Variants in KHDRBS1 observed in about 807,000 individuals in gnomAD.
The protein encoded by KHDRBS1 is KH RNA binding domain containing, signal transduction associated 1.
A neutral mutation model predicts 48.4 loss-of-function variants in KHDRBS1; 7 were observed. The ratio of observed to expected loss-of-function variants is 0.14; its 90% CI spans 0.08 to 0.27. The LOEUF (loss-of-function observed/expected upper bound fraction) is 0.27. KHDRBS1 is among the 10% of genes least tolerant of loss of function. The pLI is 1.00. For missense variants in KHDRBS1, 458 were observed against 601.2 expected (o/e 0.76, Z 2.49); for synonymous variants, 241 against 235.8 (o/e 1.02, Z -0.20).
chr1:32,056,738 T>C (rs1029532648), intron 10 of KHDRBS1, among the ~76,000 whole-genome samples: 1 of 152,344 alleles, frequency 6.6e-6, no homozygotes, highest in East Asian at 1.9e-4. Flanking sequence ...AAGAGAAATA[T>C]CTTATGCTCT....
chr1:32,032,072 G>C lies in KHDRBS1; in HGVS notation c.624+432G>C, dbSNP rs979906361. On this transcript the variant is annotated intron_variant, in intron 3 of 8. Transcript: ENST00000327300. ...GATGAGTTTGAGGATTAGTTGGTTT[G>C]TTTTATAGCCGGTTTGGAATGTGAG... Among the ~76,000 whole-genome samples the C allele has an allele frequency of 7.2e-5, 11 of 152,268 alleles. No individual in the cohort carries two copies. The South Asian group carries it at 2.3e-3, about 32-fold the overall frequency.
intron 1 of KHDRBS1, among the ~76,000 whole-genome samples, chr1:32,028,014 G>C (rs1343944695): frequency 6.6e-6 from 1 of 152,234 alleles, no homozygotes. Context: ...CTACTCGGAA[G>C]GCTGAGGCAG....
At chr1:32,034,589 G>T (rs1449535306) in intron 4 of KHDRBS1, among the ~76,000 whole-genome samples, 3 of 152,050 alleles carry the variant, frequency 2.0e-5, no homozygotes, top group Non-Finnish European at 2.9e-5. Context: ...AAGTTTTTAG[G>T]CATTGTGTAC....
At chr1:32,018,002 G>C (rs944915402) in intron 1 of KHDRBS1, among the ~76,000 whole-genome samples, 1 of 152,146 alleles carries the variant, frequency 6.6e-6, no homozygotes, top group Non-Finnish European at 1.5e-5. Context: ...AAAAGATCTT[G>C]GAGAGATACT....
chr1:32,024,418 G>A (rs917174773), intron 1 of KHDRBS1, among the ~76,000 whole-genome samples: 2 of 151,778 alleles, frequency 1.3e-5, no homozygotes, highest in African/African-American at 2.4e-5. Flanking sequence ...TCAAGTGATC[G>A]TCCTGCCTCA....
downstream of KHDRBS1, chr1:32,045,300 A>G (rs1639344602): frequency 6.6e-6 from 1 of 152,606 alleles, no homozygotes. Flanking sequence ...TTCCTCTTCA[A>G]AAGACTGATC....
rs1271634305 is a variant in KHDRBS1, at chr1:32,042,807, G to A, written c.*183G>A. On this transcript the variant is annotated 3_prime_UTR_variant, in exon 9 of 9. Transcript: ENST00000327300. ...CTCTGCATTCTGGCTTCTGTATGTAGTATTTTAAAATGAGTTAAAATAGAT... is the reference window on the plus strand; with the variant it reads ...CTCTGCATTCTGGCTTCTGTATGTAATATTTTAAAATGAGTTAAAATAGAT... 1 of 471,092 alleles carries A rather than the reference G, an allele frequency of 2.1e-6. No homozygotes were observed. The highest frequency in any genetic ancestry group is 3.8e-6 in the Non-Finnish European group (1 of 262,004). 29.2% of individuals were successfully genotyped at this position (471,092 alleles called of 1,614,324 possible).
In KHDRBS1 at chr1:32,014,130, G is replaced by A. The variant is rs112917271; in HGVS notation, c.135G>A (p.Arg45=). Residue 45 remains arginine (R), a synonymous_variant, in exon 1 of 9, where the codon CGG becomes CGA. Coordinates refer to ENST00000327300, the MANE Select transcript of KHDRBS1 (RefSeq NM_006559.3). ...SRQPPLPHRS[R]GGGGGSRGGA... ...AGCCGCCGCTGCCTCACCGGTCCCG[G>A]GGAGGCGGAGGGGGATCCCGCGGGG... The A allele has an allele frequency of 0.018, 24,515 of 1,338,250 alleles. 266 individuals carry two copies. Among genetic ancestry groups the A allele is most frequent in the Non-Finnish European group, 0.021 (22,373 of 1,046,834 alleles). 82.9% of individuals were successfully genotyped at this position (1,338,250 alleles called of 1,614,324 possible).
chr1:32,049,298 C>T (rs146826709), intron 10 of KHDRBS1, among the ~76,000 whole-genome samples: 41 of 152,164 alleles, frequency 2.7e-4, no homozygotes, highest in African/African-American at 9.4e-4. Context: ...TCAGGTGATC[C>T]GCCTACCTTG....
At position 32,017,835 on chromosome 1, in the gene KHDRBS1, G is replaced by A. The variant is rs532899250; in HGVS notation, c.382+3458G>A. ...TTGGTCAGGCTGGTCTCAAACTCCC[G>A]ACCTCAGGTGATCCGCCTGCCTCGG... On this transcript the variant is annotated intron_variant, in intron 1 of 8. Transcript: ENST00000327300. Among the ~76,000 whole-genome samples, 5 of 151,758 alleles carry A rather than the reference G, an allele frequency of 3.3e-5. No individual in the cohort carries two copies. In the South Asian group the frequency reaches 1.0e-3, roughly 32 times the overall value.
chr1:32,016,186 GA>G (rs576956025), intron 1 of KHDRBS1, among the ~76,000 whole-genome samples: 1,399 of 84,760 alleles, frequency 0.017, 5 homozygotes, highest in Middle Eastern at 0.066. Flanking sequence ...CTCAAAAAAG[GA>G]AAAAAAAAAA....
chr1:32,015,498 A>G (rs1189615270), intron 1 of KHDRBS1, among the ~76,000 whole-genome samples: 1 of 152,138 alleles, frequency 6.6e-6, no homozygotes, highest in Non-Finnish European at 1.5e-5. Context: ...CTGTCTCCCA[A>G]CACTGTAAGG....
At chr1:32,040,776 A>G (rs1639269188) in intron 8 of KHDRBS1, among the ~76,000 whole-genome samples, 1 of 152,150 alleles carries the variant, frequency 6.6e-6, no homozygotes, top group African/African-American at 2.4e-5. Flanking sequence ...TTGACAGTTC[A>G]CGCTAAGATA....
At chr1:32,044,807 G>A (rs1639338925), downstream of KHDRBS1, among the ~76,000 whole-genome samples, 1 of 151,984 alleles carries the variant, frequency 6.6e-6, no homozygotes, top group Non-Finnish European at 1.5e-5. Flanking sequence ...AACATGCATC[G>A]CAAAAAACCA....
intron 10 of KHDRBS1, among the ~76,000 whole-genome samples, chr1:32,057,899 CT>C (rs1639498502): frequency 6.6e-6 from 1 of 150,670 alleles, no homozygotes; most frequent in African/African-American, 2.4e-5. Flanking sequence ...GGCAGATCAC[CT>C]GAGGTCAGGA....
At chr1:32,038,280 A>G (rs376791950) in intron 6 of KHDRBS1, among the ~76,000 whole-genome samples, 90 of 152,298 alleles carry the variant, frequency 5.9e-4, no homozygotes, top group African/African-American at 2.1e-3. Flanking sequence ...TTTATAATGA[A>G]TTTCTTACTA....
At position 32,030,439 on chromosome 1, in the gene KHDRBS1, T is replaced by C. The variant is rs1412837670; in HGVS notation, c.507+17T>C. ...TATCCCAAGGTAAGGCAAAAAGTGC[T>C]TTGGATCTTTGAGTTATCTTTATAG... On this transcript the variant is annotated intron_variant, in intron 2 of 8. Transcript: ENST00000327300. The C allele has an allele frequency of 6.3e-7, 1 of 1,590,738 alleles. No individual in the cohort carries two copies. Among genetic ancestry groups the C allele is most frequent in the Middle Eastern group, 1.7e-4 (1 of 5,956 alleles).
At chr1:32,018,120 G>A (rs960122107) in intron 1 of KHDRBS1, among the ~76,000 whole-genome samples, 1 of 152,090 alleles carries the variant, frequency 6.6e-6, no homozygotes, top group Non-Finnish European at 1.5e-5. Flanking sequence ...AATACATTAA[G>A]ACCTTCCCAG....
At chr1:32,034,833 T>G (rs991616917) in intron 4 of KHDRBS1, among the ~76,000 whole-genome samples, 2 of 151,546 alleles carry the variant, frequency 1.3e-5, no homozygotes, top group Non-Finnish European at 2.9e-5. Context: ...AAAAAAAAAT[T>G]AGCTGGGCGT....
Sources: gnomAD v4.1 joint callset for allele counts (sites outside exome capture counted in the v4.1 genomes callset) on GRCh38, gnomAD v4.1.1 for gene constraint, MANE v1.5 for transcripts, NCBI Gene and HGNC (gene_info 2026-07-23, HGNC 2026-07-21) for gene names.